Variants in GRXCR1 observed in about 807,000 individuals in gnomAD.
GRXCR1 encodes the protein glutaredoxin domain-containing cysteine-rich protein 1.
Under a neutral mutation model 27.3 loss-of-function variants are expected in GRXCR1, and 27 were observed. The observed-to-expected ratio is 0.99, with a 90% CI of 0.73 to 1.37. The LOEUF is 1.37. Ranked by LOEUF, GRXCR1 falls within the 40% of genes most tolerant of loss-of-function variation. GRXCR1 has a pLI of 0.00. For synonymous variants in GRXCR1, 122 were observed against 131.1 expected (o/e 0.93, Z 0.47); for missense variants, 379 against 354.4 (o/e 1.07, Z -0.56).
At chr4:42,965,432 A>G (rs1748215485) in intron 2 of GRXCR1, among the ~76,000 whole-genome samples, 1 of 152,058 alleles carries the variant, frequency 6.6e-6, no homozygotes, top group Non-Finnish European at 1.5e-5. Context: ...TCCTATTAAA[A>G]TAGCCTGTTT....
chr4:43,004,021 C>G (rs1226305552), intron 2 of GRXCR1, among the ~76,000 whole-genome samples: 2 of 152,214 alleles, frequency 1.3e-5, no homozygotes, highest in Non-Finnish European at 2.9e-5. Context: ...ATAACATAGG[C>G]CTGGAGGCCT....
At chr4:43,027,586 C>T (rs1371150579) in intron 3 of GRXCR1, among the ~76,000 whole-genome samples, 3 of 152,320 alleles carry the variant, frequency 2.0e-5, no homozygotes, top group Non-Finnish European at 4.4e-5. Flanking sequence ...AAGTGCCACA[C>T]ATAGACAAGG....
chr4:42,990,598 TC>T (rs1343697963), intron 2 of GRXCR1, among the ~76,000 whole-genome samples: 3 of 152,274 alleles, frequency 2.0e-5, no homozygotes, highest in South Asian at 2.1e-4. Context: ...TTTTAAGTTT[TC>T]CCTCATTGAC....
At chr4:42,914,221 C>T (rs1746834191) in intron 1 of GRXCR1, among the ~76,000 whole-genome samples, 1 of 152,178 alleles carries the variant, frequency 6.6e-6, no homozygotes. Context: ...TTACACCCTG[C>T]ACCTGGAAAA....
intron 2 of GRXCR1, among the ~76,000 whole-genome samples, chr4:42,970,007 C>G (rs1296974775): frequency 6.6e-6 from 1 of 152,102 alleles, no homozygotes; most frequent in East Asian, 1.9e-4. Context: ...TGGCCAAAAC[C>G]AAGGGACTAC....
At chr4:43,026,204 C>T (rs1398055769) in intron 3 of GRXCR1, among the ~76,000 whole-genome samples, 1 of 152,114 alleles carries the variant, frequency 6.6e-6, no homozygotes, top group African/African-American at 2.4e-5. Flanking sequence ...GTGGGCAAAA[C>T]TGTCTACAGA....
chr4:43,004,125 C>T (rs556909728), intron 2 of GRXCR1, among the ~76,000 whole-genome samples: 18 of 152,350 alleles, frequency 1.2e-4, no homozygotes, highest in African/African-American at 2.9e-4. Context: ...CACTCCAGCA[C>T]CAGCCATGAC....
At chr4:43,004,955 G>A (rs971283410) in intron 2 of GRXCR1, among the ~76,000 whole-genome samples, 1 of 152,108 alleles carries the variant, frequency 6.6e-6, no homozygotes, top group Non-Finnish European at 1.5e-5. Flanking sequence ...GAGGGTTCAG[G>A]GGTGGAATGA....
intron 1 of GRXCR1, among the ~76,000 whole-genome samples, chr4:42,942,510 G>T (rs1480679001): frequency 6.6e-6 from 1 of 152,008 alleles, no homozygotes; most frequent in African/African-American, 2.4e-5. Context: ...TAGAATGTTT[G>T]GTTACTCTCT....
chr4:42,987,371 C>G (rs1412418280), intron 2 of GRXCR1, among the ~76,000 whole-genome samples: 1 of 150,056 alleles, frequency 6.7e-6, no homozygotes, highest in African/African-American at 2.5e-5. Context: ...TGACTTCAAA[C>G]TCCTGAGATC....
At chr4:43,019,621 C>T (rs1225052930) in intron 2 of GRXCR1, among the ~76,000 whole-genome samples, 1 of 152,168 alleles carries the variant, frequency 6.6e-6, no homozygotes, top group Non-Finnish European at 1.5e-5. Context: ...AGCAGCTGGA[C>T]AGGAGAGAAA....
rs1746471536 is a variant in GRXCR1 at position 42,901,972 on chromosome 4, A to G, written c.384+8322A>G. ...TAGATACCTTTCCTGTGGAAACATT[A>G]TAATGCTGTTTTGTGTGTTTCCTTT... On this transcript the variant is annotated intron_variant, in intron 1 of 3. Transcript: ENST00000399770. Among the ~76,000 whole-genome samples, 12 of 152,222 alleles carry G rather than the reference A, an allele frequency of 7.9e-5. No individual in the cohort carries two copies. The South Asian group carries it at 2.5e-3, about 32-fold the overall frequency.
At chr4:43,005,031 G>T (rs1712511518) in intron 2 of GRXCR1, among the ~76,000 whole-genome samples, 1 of 152,158 alleles carries the variant, frequency 6.6e-6, no homozygotes, top group Non-Finnish European at 1.5e-5. Flanking sequence ...TATTGGGGGA[G>T]GAACCTGGTG....
chr4:43,030,415 T>G lies in GRXCR1; in HGVS notation c.748T>G (p.Cys250Gly). 6.2e-7 allele frequency: 1 copy of G among 1,614,130 alleles called. No homozygotes were observed. Among genetic ancestry groups the G allele is most frequent in the Non-Finnish European group, 8.5e-7 (1 of 1,180,002 alleles). Reference protein sequence around the residue: ...PSCGGFGFLPCSVCHGSKMSM... With the variant: ...PSCGGFGFLPGSVCHGSKMSM... ...TTGTGGAGGCTTTGGCTTTCTTCCATGCTCCGTGTGCCATGGGAGCAAGAT... is the reference window on the plus strand; with the variant it reads ...TTGTGGAGGCTTTGGCTTTCTTCCAGGCTCCGTGTGCCATGGGAGCAAGAT... The change falls in exon 4 of 4, where the codon TGC becomes GGC. Residue 250 changes from cysteine to glycine, a missense_variant. By Grantham distance (159) the Cys-to-Gly change is radical. Transcript: ENST00000399770.
chr4:42,911,782 G>A (rs1449473573), intron 1 of GRXCR1, among the ~76,000 whole-genome samples: 1 of 152,038 alleles, frequency 6.6e-6, no homozygotes, highest in Non-Finnish European at 1.5e-5. Context: ...TTAGTGTGAG[G>A]ATTAAATTCA....
chr4:42,955,838 T>C lies in GRXCR1; in HGVS notation c.385-7054T>C, dbSNP rs557348143. Among the ~76,000 whole-genome samples the C allele has an allele frequency of 7.6e-4, 115 of 152,190 alleles. 1 individual carries two copies. The highest frequency in any genetic ancestry group is 2.7e-3 in the African/African-American group (111 of 41,538). ...ATTTCAGGAGGGCTTTTAAAATCAG[T>C]GCGAGGCTAGAGCTAAAAAGACATA... On this transcript the variant is annotated intron_variant, in intron 1 of 3. Transcript: ENST00000399770.
At chr4:42,895,637 T>A (rs1216225769) in intron 1 of GRXCR1, among the ~76,000 whole-genome samples, 1 of 152,140 alleles carries the variant, frequency 6.6e-6, no homozygotes, top group Admixed American at 6.6e-5. Flanking sequence ...ATTGTCTGCA[T>A]GAATGGTACC....
chr4:43,014,336 C>T (rs1471412001), intron 2 of GRXCR1, among the ~76,000 whole-genome samples: 6 of 151,990 alleles, frequency 3.9e-5, no homozygotes, highest in East Asian at 1.9e-4. Context: ...CTCAGGTGGC[C>T]CATCTCCAAG....
intron 1 of GRXCR1, among the ~76,000 whole-genome samples, chr4:42,961,888 A>G (rs1323381913): frequency 6.6e-6 from 1 of 151,934 alleles, no homozygotes; most frequent in Non-Finnish European, 1.5e-5. Context: ...TGGTTTCCAA[A>G]GTTTTGACTC....
Sources: allele counts gnomAD v4.1 joint callset (sites outside exome capture counted in the v4.1 genomes callset), GRCh38; gene constraint gnomAD v4.1.1; transcripts MANE v1.5; gene names NCBI Gene and HGNC (gene_info 2026-07-23, HGNC 2026-07-21).